Variants in DNAH9 observed in about 807,000 individuals in gnomAD.
DNAH9 encodes the protein dynein axonemal heavy chain 9, also known as DNAH9 variant protein.
A neutral mutation model predicts 471.6 loss-of-function variants in DNAH9; 345 were observed. The observed-to-expected ratio is 0.73, with a 90% CI of 0.67 to 0.80. DNAH9 has a LOEUF of 0.80. DNAH9 is among the 30% of genes least tolerant of loss of function. The pLI is 0.00. For synonymous variants in DNAH9, 2,093 were observed against 2,123.6 expected, an observed-to-expected ratio of 0.99 and a Z score of 0.40; for missense variants, 5,407 against 5,609.2, an observed-to-expected ratio of 0.96 and a Z score of 1.15.
At position 11,619,799 on chromosome 17, in the gene DNAH9, C is replaced by A. The variant is rs536175238; in HGVS notation, c.1350+18C>A. On this transcript the variant is annotated intron_variant, in intron 6 of 68. Coordinates refer to ENST00000262442, the MANE Select transcript of DNAH9 (RefSeq NM_001372.4). ...TGGTGGAGGTGAGTGCGCACCTCAC[C>A]TCAGGCTGCCAGCCCCAGACAGAAA... 6.9e-6 allele frequency: 10 copies of A among 1,454,550 alleles called. No homozygotes were observed. In the Admixed American group the frequency reaches 1.7e-4, roughly 24 times the overall value. The allele number at this position is 1,454,550 out of a possible 1,614,324, so 90.1% of individuals were successfully genotyped here.
chr17:11,756,351 A>G (rs1177262292), intron 33 of DNAH9, among the ~76,000 whole-genome samples: 1 of 152,026 alleles, frequency 6.6e-6, no homozygotes, highest in Non-Finnish European at 1.5e-5. Context: ...AACCACTCCC[A>G]TGATTCAATT....
chr17:11,624,688 T>C (rs896772968), intron 6 of DNAH9, among the ~76,000 whole-genome samples: 2 of 152,130 alleles, frequency 1.3e-5, no homozygotes, highest in East Asian at 3.9e-4. Context: ...AACTTTGATA[T>C]CCTATAGGGA....
chr17:11,637,461 G>A (rs964009565), intron 9 of DNAH9, among the ~76,000 whole-genome samples: 5 of 152,118 alleles, frequency 3.3e-5, no homozygotes, highest in African/African-American at 9.7e-5. Flanking sequence ...AGCTGGAAGC[G>A]ATGGTGCGAA....
Position 11,619,653 on chromosome 17 carries a change from T to G in DNAH9, c.1222T>G (p.Phe408Val). Residue 408 changes from phenylalanine (F) to valine (V), a missense_variant, in exon 6 of 69, where the codon TTT (phenylalanine) becomes GTT (valine). Physicochemically the swap from Phe to Val is conservative, Grantham distance 50. Coordinates refer to ENST00000262442, the MANE Select transcript of DNAH9 (RefSeq NM_001372.4). The part of the protein sequence containing the change: ...SDTLSFFKQE[F>V]QDRRENLHTY... ...CACTTTGAGCTTCTTCAAGCAAGAG[T>G]TTCAGGACAGAAGGGAGAATCTCCA... is the stretch of plus-strand genomic sequence containing the variant. 6.2e-7 allele frequency: 1 copy of G among 1,613,162 alleles called. No individual in the cohort carries two copies. Among genetic ancestry groups the G allele is most frequent in the Non-Finnish European group, 8.5e-7 (1 of 1,179,648 alleles).
At chr17:11,886,197 G>A (rs936093218) in intron 56 of DNAH9, among the ~76,000 whole-genome samples, 12 of 152,072 alleles carry the variant, frequency 7.9e-5, no homozygotes, top group East Asian at 5.8e-4. Context: ...GGTGGCAGGC[G>A]CCTGTAATCC....
intron 49 of DNAH9, among the ~76,000 whole-genome samples, chr17:11,844,031 T>C (rs1208953889): frequency 2.7e-5 from 3 of 113,130 alleles, no homozygotes; most frequent in Non-Finnish European, 6.2e-5. Flanking sequence ...CCACAATAAG[T>C]ATATACTCTT....
At chr17:11,873,638 A>C (rs952641714) in intron 52 of DNAH9, among the ~76,000 whole-genome samples, 4 of 152,224 alleles carry the variant, frequency 2.6e-5, no homozygotes, top group Non-Finnish European at 5.9e-5. Flanking sequence ...GAAAGTAACC[A>C]GACACAAAAG....
At chr17:11,833,802 T>C (rs1483408926) in intron 48 of DNAH9, among the ~76,000 whole-genome samples, 8 of 152,196 alleles carry the variant, frequency 5.3e-5, no homozygotes, top group African/African-American at 1.9e-4. Flanking sequence ...TTTTTATATA[T>C]GTTCTATCAT....
At chr17:11,632,566 A>G in intron 7 of DNAH9, 21 bp from the exon 8 acceptor site, 9 of 1,217,898 alleles carry the variant, frequency 7.4e-6, no homozygotes, top group Non-Finnish European at 1.1e-5. Flanking sequence ...TTTTCCTTAT[A>G]TATATATGGT....
Position 11,854,286 on chromosome 17 carries a change from G to A in DNAH9, c.9791G>A (p.Gly3264Asp). ...GCCACCAAATCCTATGCGGCTGCAGGCCTCTGCTCCTGGGTCATCAATATT... is the reference window on the plus strand; with the variant it reads ...GCCACCAAATCCTATGCGGCTGCAGACCTCTGCTCCTGGGTCATCAATATT... ...FVATKSYAAA[G>D]LCSWVINIVR... The change falls in exon 50 of 69, where the codon GGC becomes GAC. Residue 3264 changes from glycine to aspartate, a missense_variant. This residue lies in a region of DNAH9 where 4,636 missense variants were observed against 4,900.3 expected (regional missense o/e 0.95). Transcript: ENST00000262442. 4 of 1,614,150 alleles carry A rather than the reference G, an allele frequency of 2.5e-6. No homozygotes were observed. Among genetic ancestry groups the A allele is most frequent in the Non-Finnish European group, 3.4e-6 (4 of 1,180,034 alleles).
intron 59 of DNAH9, among the ~76,000 whole-genome samples, chr17:11,898,778 G>A (rs781039827): frequency 6.6e-6 from 1 of 152,190 alleles, no homozygotes; most frequent in African/African-American, 2.4e-5. Context: ...AAGTCATAAG[G>A]AATAAATGAT....
At chr17:11,680,686 C>T (rs1445777180) in intron 18 of DNAH9, 37 bp from the exon 19 acceptor site, 8 of 1,600,578 alleles carry the variant, frequency 5.0e-6, no homozygotes, top group Non-Finnish European at 4.3e-6. Context: ...GGAAAGAGCA[C>T]CTTGGGAATC....
rs879184386 is a variant in DNAH9, at chr17:11,932,262, A to G, written c.12297+57A>G. The G allele has an allele frequency of 6.4e-7, 1 of 1,558,484 alleles. No homozygotes were observed. Among genetic ancestry groups the G allele is most frequent in the African/African-American group, 1.4e-5 (1 of 73,268 alleles). ...GGTTGGGAGAGGGTTAAAATTATTT[A>G]ATTTTGAGGGGTGAATCAGAGGGGT... On this transcript the variant is annotated intron_variant, in intron 64 of 68. Coordinates refer to ENST00000262442, the MANE Select transcript of DNAH9 (RefSeq NM_001372.4). This position sits in a 1 kb window ranked among gnomAD's most constrained non-coding sequence, Gnocchi z 4.3.
chr17:11,909,893 T>G (rs1973736282), intron 61 of DNAH9, among the ~76,000 whole-genome samples: 1 of 152,202 alleles, frequency 6.6e-6, no homozygotes. Flanking sequence ...CCACTAGCCA[T>G]TACTTTCCAT....
At chr17:11,774,135 A>G (rs1968328683) in intron 38 of DNAH9, among the ~76,000 whole-genome samples, 1 of 152,140 alleles carries the variant, frequency 6.6e-6, no homozygotes, top group Non-Finnish European at 1.5e-5. Flanking sequence ...GATCCCTGCC[A>G]CAAAATAAAA....
At chr17:11,783,550 A>C in intron 39 of DNAH9, 96 bp from the exon 40 acceptor site, 1 of 835,444 alleles carries the variant, frequency 1.2e-6, no homozygotes. Context: ...TCACCCAAAC[A>C]CATGAACAGT....
rs958688033 is a variant in DNAH9 at position 11,701,957 on chromosome 17, C to T, written c.5151+710C>T. Among the ~76,000 whole-genome samples, 75 of 152,338 alleles carry T rather than the reference C, an allele frequency of 4.9e-4. 1 individual carries two copies. Among genetic ancestry groups the T allele is most frequent in the Admixed American group, 4.6e-3 (70 of 15,302 alleles). On this transcript the variant is annotated intron_variant, in intron 24 of 68. Transcript: ENST00000262442. ...TCGGCCTCCCAAAGTGCTGGGATTA[C>T]AGACGTGAGCCTCCGCGCCCGGCCA...
intron 49 of DNAH9, among the ~76,000 whole-genome samples, chr17:11,847,669 C>T (rs966243860): frequency 3.9e-5 from 6 of 152,276 alleles, no homozygotes; most frequent in African/African-American, 1.4e-4. Flanking sequence ...ATATGAAAAG[C>T]TCTCGTGAAT....
At chr17:11,804,071 T>G (rs1237359757) in intron 43 of DNAH9, among the ~76,000 whole-genome samples, 1 of 152,208 alleles carries the variant, frequency 6.6e-6, no homozygotes, top group Admixed American at 6.5e-5. Flanking sequence ...TTAGATACCT[T>G]CAATGTGCTG....
Sources: allele counts gnomAD v4.1 joint callset (sites outside exome capture counted in the v4.1 genomes callset), GRCh38; gene constraint gnomAD v4.1.1; regional missense constraint gnomAD v4.1.1; non-coding constraint Gnocchi (gnomAD v3.1); transcripts MANE v1.5; gene names NCBI Gene and HGNC (gene_info 2026-07-23, HGNC 2026-07-21).